FGF14: variants seen among roughly 807,000 people sequenced by gnomAD.
The protein encoded by FGF14 is fibroblast growth factor homologous factor 4.
FGF14 carries 5 observed loss-of-function variants against 25.5 expected under a neutral mutation model. That is an observed-to-expected ratio of 0.20 (90% CI 0.10 to 0.41). The LOEUF is 0.41. Among genes scored for constraint, FGF14 ranks in the 10% least tolerant of loss-of-function variants. FGF14 has a pLI of 1.00. For synonymous variants in FGF14, 138 were observed against 118.3 expected (o/e 1.17, Z -1.08); for missense variants, 222 against 320.1 (o/e 0.69, Z 2.34).
intron 1 of FGF14, among the ~76,000 whole-genome samples, chr13:101,926,020 G>A (rs556316193): frequency 6.6e-6 from 1 of 152,228 alleles, no homozygotes; most frequent in East Asian, 1.9e-4. Flanking sequence ...CCCTCTTCAA[G>A]ATCCTAGTGA....
At chr13:101,775,477 T>C (rs2039049009) in intron 3 of FGF14, among the ~76,000 whole-genome samples, 1 of 152,132 alleles carries the variant, frequency 6.6e-6, no homozygotes, top group Non-Finnish European at 1.5e-5. Context: ...AACTCTTCCA[T>C]AAGGAGAAAA....
At chr13:102,313,129 C>A (rs2055854093) in intron 1 of FGF14, among the ~76,000 whole-genome samples, 1 of 152,210 alleles carries the variant, frequency 6.6e-6, no homozygotes, top group African/African-American at 2.4e-5. Context: ...CAGGGCCAAG[C>A]AAGGCCCCTC....
At position 102,188,069 on chromosome 13, in the gene FGF14, A is replaced by AT. The variant is rs557800833; in HGVS notation, c.208+213401dup. ...TTCTGGAAAATACTGAACAATTTTT[A>AT]TTTTTCTCTTTACAGCAATTGTGAA... On this transcript the variant is annotated intron_variant, in intron 1 of 4. Transcript: ENST00000376131. Among the ~76,000 whole-genome samples the AT allele has an allele frequency of 4.3e-3, 657 of 152,250 alleles. 10 individuals carry two copies. The highest frequency in any genetic ancestry group is 0.015 in the African/African-American group (624 of 41,556).
chr13:101,904,540 G>T (rs1259047997), intron 1 of FGF14, among the ~76,000 whole-genome samples: 1 of 152,168 alleles, frequency 6.6e-6, no homozygotes, highest in Non-Finnish European at 1.5e-5. Context: ...TGAACAAATA[G>T]AAAGACTTAG....
At chr13:101,741,423 A>C (rs1223508474) in intron 3 of FGF14, among the ~76,000 whole-genome samples, 1 of 152,176 alleles carries the variant, frequency 6.6e-6, no homozygotes, top group East Asian at 1.9e-4. Context: ...AGTAAACAGA[A>C]ATGTTATTTC....
At chr13:101,784,072 T>C (rs1230756135) in intron 3 of FGF14, among the ~76,000 whole-genome samples, 1 of 152,216 alleles carries the variant, frequency 6.6e-6, no homozygotes, top group Non-Finnish European at 1.5e-5. Flanking sequence ...ACCAAAGCCA[T>C]GCTGTTTTGG....
chr13:102,230,086 G>C (rs2183289), intron 1 of FGF14, among the ~76,000 whole-genome samples: 116,647 of 152,090 alleles, frequency 0.77, 44,791 homozygotes, highest in Middle Eastern at 0.85. Flanking sequence ...TGGGTCAAGA[G>C]GGCAGAGCCC....
intron 1 of FGF14, among the ~76,000 whole-genome samples, chr13:102,308,073 G>A (rs2055499288): frequency 6.6e-6 from 1 of 152,106 alleles, no homozygotes; most frequent in East Asian, 1.9e-4. Flanking sequence ...ACACCAGAAG[G>A]CTGGGCTGGC....
rs34073982 is a variant in FGF14, at chr13:101,868,760, T to C, written c.373A>G (p.Ile125Val). 421 of 1,613,526 alleles carry C rather than the reference T, an allele frequency of 2.6e-4. 2 individuals are homozygous for C. In the African/African-American group the frequency reaches 4.5e-3, roughly 17 times the overall value. Residue 125 changes from isoleucine to valine, a missense_variant, in exon 3 of 5, where the codon ATA (isoleucine) becomes GTA (valine). By Grantham distance (29) the Ile-to-Val change is conservative (BLOSUM62 3). Transcript: ENST00000376143. ...AIQGVKTGLY[I>V]AMNGEGYLYP... ...AGGTAACCTTCTCCATTCATGGCTA[T>C]ATACAACCCTGTTTTCACTCCCTGG...
intron 1 of FGF14, among the ~76,000 whole-genome samples, chr13:102,082,815 G>A (rs1387458437): frequency 6.6e-6 from 1 of 151,530 alleles, no homozygotes; most frequent in African/African-American, 2.4e-5. Flanking sequence ...AAAATTAGCC[G>A]GGCGTAGTGG....
At chr13:102,162,093 T>A (rs538208689) in intron 1 of FGF14, among the ~76,000 whole-genome samples, 1 of 152,100 alleles carries the variant, frequency 6.6e-6, no homozygotes, top group Non-Finnish European at 1.5e-5. Context: ...TATCTCCTGT[T>A]TTTTAAAAGA....
chr13:102,281,626 C>A (rs1253989656), intron 1 of FGF14, among the ~76,000 whole-genome samples: 2 of 152,014 alleles, frequency 1.3e-5, no homozygotes, highest in Non-Finnish European at 2.9e-5. Flanking sequence ...AAACTACTCA[C>A]CTCACCTTGG....
At chr13:102,047,171 T>C (rs2140031817) in intron 1 of FGF14, among the ~76,000 whole-genome samples, 1 of 152,250 alleles carries the variant, frequency 6.6e-6, no homozygotes, top group East Asian at 1.9e-4. Flanking sequence ...TGAGAAAATT[T>C]AGAAGTATAA....
intron 1 of FGF14, among the ~76,000 whole-genome samples, chr13:102,202,278 C>A (rs1036785623): frequency 6.6e-6 from 1 of 152,094 alleles, no homozygotes; most frequent in Non-Finnish European, 1.5e-5. Context: ...GCCAGGGCCC[C>A]AAGAAAGATT....
chr13:101,776,912 G>A (rs2039147718), intron 3 of FGF14, among the ~76,000 whole-genome samples: 2 of 152,214 alleles, frequency 1.3e-5, no homozygotes, highest in South Asian at 4.1e-4. Flanking sequence ...TTCTTTTTGT[G>A]TCTTCACAGG....
chr13:102,345,806 C>A (rs1008635637), intron 1 of FGF14, among the ~76,000 whole-genome samples: 4 of 152,206 alleles, frequency 2.6e-5, no homozygotes, highest in Admixed American at 1.3e-4. Flanking sequence ...TTCTTCAGGG[C>A]TCCAGGCAGG....
intron 1 of FGF14, among the ~76,000 whole-genome samples, chr13:102,175,750 T>C (rs2048419490): frequency 6.6e-6 from 1 of 150,708 alleles, no homozygotes; most frequent in Admixed American, 6.6e-5. Flanking sequence ...CATTAAAGAG[T>C]TGACAAAGAA....
At chr13:102,253,728 T>C (rs7987633) in intron 1 of FGF14, among the ~76,000 whole-genome samples, 124,031 of 151,948 alleles carry the variant, frequency 0.82, 51,160 homozygotes, top group African/African-American at 0.94. Flanking sequence ...TGGGTTTTTT[T>C]CCCCCACATA....
At chr13:101,733,728 G>A (rs2035982025) in intron 3 of FGF14, among the ~76,000 whole-genome samples, 2 of 151,580 alleles carry the variant, frequency 1.3e-5, no homozygotes, top group Admixed American at 6.6e-5. Context: ...GCCAAATTCT[G>A]TTACTTAAGT....
Sources: gnomAD v4.1 joint callset for allele counts (sites outside exome capture counted in the v4.1 genomes callset) on GRCh38, gnomAD v4.1.1 for gene constraint, MANE v1.5 for transcripts, NCBI Gene and HGNC (gene_info 2026-07-23, HGNC 2026-07-21) for gene names.